Variants in IMMP2L observed in about 807,000 individuals in gnomAD.
IMMP2L encodes the protein inner mitochondrial membrane peptidase subunit 2, also known as mitochondrial inner membrane protease subunit 2.
A neutral mutation model predicts 19.3 loss-of-function variants in IMMP2L; 18 were observed. The ratio of observed to expected loss-of-function variants is 0.93; its 90% CI spans 0.64 to 1.38. The LOEUF is 1.38. Ranked by LOEUF, IMMP2L falls within the 40% of genes most tolerant of loss-of-function variation. IMMP2L has a pLI of 0.00. For missense variants in IMMP2L, 233 were observed against 218.2 expected, an observed-to-expected ratio of 1.07 and a Z score of -0.43; for synonymous variants, 76 against 73.0, an observed-to-expected ratio of 1.04 and a Z score of -0.21.
intron 2 of IMMP2L, among the ~76,000 whole-genome samples, chr7:111,517,440 T>A (rs1845966128): frequency 7.9e-6 from 1 of 127,238 alleles, no homozygotes; most frequent in Non-Finnish European, 1.8e-5. Context: ...AAATTATGTA[T>A]CAATTGCAAA....
chr7:111,365,763 C>T (rs1829704522), intron 3 of IMMP2L, among the ~76,000 whole-genome samples: 1 of 152,052 alleles, frequency 6.6e-6, no homozygotes, highest in African/African-American at 2.4e-5. Context: ...AGAATCATGG[C>T]TTCTGGAGAA....
chr7:110,980,291 A>G (rs963502423), intron 3 of IMMP2L, among the ~76,000 whole-genome samples: 7 of 135,066 alleles, frequency 5.2e-5, no homozygotes, highest in Admixed American at 1.7e-4. Flanking sequence ...GCAGTGGAGC[A>G]ATCTTGGCTC....
At chr7:111,437,599 A>G (rs1227010318) in intron 3 of IMMP2L, among the ~76,000 whole-genome samples, 6 of 151,992 alleles carry the variant, frequency 3.9e-5, no homozygotes, top group South Asian at 2.1e-4. Flanking sequence ...TACCATTTAT[A>G]AAAGATTTTA....
At chr7:111,084,793 C>T (rs1472421808) in intron 3 of IMMP2L, among the ~76,000 whole-genome samples, 2 of 152,052 alleles carry the variant, frequency 1.3e-5, no homozygotes, top group Non-Finnish European at 2.9e-5. Context: ...GAAAAGTCAA[C>T]TGACAAAGTA....
intron 3 of IMMP2L, chr7:111,411,455 T>C (rs1301831427): frequency 4.0e-6 from 2 of 502,356 alleles, no homozygotes; most frequent in Admixed American, 2.0e-5. Flanking sequence ...GCTCTTCGTG[T>C]ACCTGAACGA....
intron 3 of IMMP2L, among the ~76,000 whole-genome samples, chr7:111,188,529 C>T (rs1324308143): frequency 3.3e-5 from 5 of 151,928 alleles, no homozygotes; most frequent in Admixed American, 2.6e-4. Flanking sequence ...GCTCCACCTC[C>T]TAATACCATC....
At chr7:110,980,378 A>G (rs1258785274) in intron 3 of IMMP2L, among the ~76,000 whole-genome samples, 1 of 151,432 alleles carries the variant, frequency 6.6e-6, no homozygotes, top group Non-Finnish European at 1.5e-5. Flanking sequence ...ACAGGCGCCC[A>G]CCACCACGCC....
At chr7:110,748,278 C>T (rs1427591582) in intron 5 of IMMP2L, among the ~76,000 whole-genome samples, 1 of 152,176 alleles carries the variant, frequency 6.6e-6, no homozygotes, top group Non-Finnish European at 1.5e-5. Context: ...ACATTCCATG[C>T]TCATGGATAG....
chr7:110,985,237 A>G (rs1821733355), intron 3 of IMMP2L, among the ~76,000 whole-genome samples: 1 of 152,138 alleles, frequency 6.6e-6, no homozygotes, highest in Non-Finnish European at 1.5e-5. Context: ...CTATAACATA[A>G]TAAACATTTG....
chr7:110,678,097 G>C (rs970596227), intron 5 of IMMP2L, among the ~76,000 whole-genome samples: 2 of 152,080 alleles, frequency 1.3e-5, no homozygotes, highest in African/African-American at 4.8e-5. Context: ...ATATAATACA[G>C]GTCCACAGTA....
chr7:111,181,382 G>C (rs967591945), intron 3 of IMMP2L, among the ~76,000 whole-genome samples: 3 of 151,850 alleles, frequency 2.0e-5, no homozygotes, highest in African/African-American at 7.3e-5. Flanking sequence ...TTATTTGTTT[G>C]TTTAATAGAA....
At chr7:111,044,325 C>A (rs1258405037) in intron 3 of IMMP2L, among the ~76,000 whole-genome samples, 3 of 152,168 alleles carry the variant, frequency 2.0e-5, no homozygotes, top group Non-Finnish European at 4.4e-5. Flanking sequence ...TTTGGGAGGT[C>A]AAGGCCAGTG....
chr7:111,253,514 G>A (rs1816370053), intron 3 of IMMP2L, among the ~76,000 whole-genome samples: 1 of 152,158 alleles, frequency 6.6e-6, no homozygotes, highest in Admixed American at 6.6e-5. Context: ...GGCTGCATAT[G>A]ATTCTATTTG....
intron 3 of IMMP2L, among the ~76,000 whole-genome samples, chr7:111,278,448 T>C (rs1819345110): frequency 6.6e-6 from 1 of 152,146 alleles, no homozygotes; most frequent in African/African-American, 2.4e-5. Flanking sequence ...CACACTTTTA[T>C]TGTCAAAAAA....
intron 1 of IMMP2L, among the ~76,000 whole-genome samples, chr7:111,559,054 G>A (rs185873313): frequency 6.6e-6 from 1 of 152,024 alleles, no homozygotes; most frequent in African/African-American, 2.4e-5. Context: ...GCTCATTTTC[G>A]GTGGGCTGTC....
intron 3 of IMMP2L, among the ~76,000 whole-genome samples, chr7:111,323,053 A>G (rs2130529277): frequency 6.6e-6 from 1 of 152,154 alleles, no homozygotes; most frequent in East Asian, 1.9e-4. Flanking sequence ...AAAAAAAGAA[A>G]GCAAATAAAA....
intron 3 of IMMP2L, among the ~76,000 whole-genome samples, chr7:110,988,046 A>G (rs1354879668): frequency 6.6e-6 from 1 of 152,208 alleles, no homozygotes; most frequent in East Asian, 1.9e-4. Context: ...CTGACTATGG[A>G]GAACAAAGTA....
chr7:110,729,533 A>C (rs990813308), intron 5 of IMMP2L, among the ~76,000 whole-genome samples: 1 of 152,236 alleles, frequency 6.6e-6, no homozygotes, highest in Non-Finnish European at 1.5e-5. Context: ...TGGGTGGGAC[A>C]CAGAACCAAA....
At chr7:111,107,190 C>G (rs777759293) in intron 3 of IMMP2L, among the ~76,000 whole-genome samples, 2 of 151,574 alleles carry the variant, frequency 1.3e-5, no homozygotes, top group Non-Finnish European at 3.0e-5. Flanking sequence ...TCTCTCCTTC[C>G]CTCCCTTCTT....
Sources: allele counts gnomAD v4.1 joint callset (sites outside exome capture counted in the v4.1 genomes callset), GRCh38; gene constraint gnomAD v4.1.1; transcripts MANE v1.5; gene names NCBI Gene and HGNC (gene_info 2026-07-23, HGNC 2026-07-21).